The following BRWD1 variants were observed in gnomAD, a reference collection of about 807,000 sequenced individuals.
BRWD1 encodes the protein bromodomain and WD repeat domain containing 1, also known as bromodomain and WD repeat-containing protein 1.
In BRWD1, 82 loss-of-function variants were observed where a neutral mutation model predicts 251.2. The observed-to-expected ratio is 0.33, with a 90% confidence interval of 0.27 to 0.39. BRWD1 has a LOEUF of 0.39. Ranked by LOEUF, BRWD1 falls within the 10% of genes least tolerant of loss-of-function variation. The pLI is 1.00. For synonymous variants in BRWD1, 918 were observed against 902.8 expected, an observed-to-expected ratio of 1.02 and a Z score of -0.30; for missense variants, 2,233 against 2,711.6, an observed-to-expected ratio of 0.82 and a Z score of 3.92.
At chr21:39,229,576 A>G (rs2033526081) in intron 25 of BRWD1, 140 bp from the exon 26 acceptor site, 1 of 762,188 alleles carries the variant, frequency 1.3e-6, no homozygotes, top group African/African-American at 1.8e-5. Context: ...CATTAATTAC[A>G]TTCAATTTTG....
Position 39,264,488 on chromosome 21 carries a change from C to T in BRWD1, c.1857G>A (p.Leu619=). ...TTGCCACATAGCCCAGCTGTGGAAT[C>T]AAATGTTCATCTGCAGAATTTTCTC... ...PGRENSADEH[L]IPQLGYVATS... The change falls in exon 17 of 41, where the codon TTG becomes TTA. Residue 619 remains leucine (L), a synonymous_variant. Transcript: ENST00000342449. 1 of 1,600,164 alleles carries T rather than the reference C, an allele frequency of 6.2e-7. No homozygotes were observed. The highest frequency in any genetic ancestry group is 1.1e-5 in the South Asian group (1 of 89,438).
chr21:39,270,385 C>A lies in BRWD1; in HGVS notation c.1293G>T (p.Met431Ile). Residue 431 changes from methionine (M) to isoleucine (I), a missense_variant, in exon 14 of 41, where the codon ATG (methionine) becomes ATT (isoleucine). By Grantham distance (10) the Met-to-Ile change is conservative. This residue lies in a region of BRWD1 where 315 missense variants were observed against 421.8 expected (regional missense o/e 0.75). Coordinates refer to ENST00000342449, the MANE Select transcript of BRWD1 (RefSeq NM_033656.4). ...TGCTATCATTTTGATTCCAAGCTAT[C>A]ATTGTTACTTTAGGTTTCATAAACC... ...EERFMKPKVT[M>I]IAWNQNDSIV... The A allele has an allele frequency of 6.2e-7, 1 of 1,612,470 alleles. No homozygotes were observed. Among genetic ancestry groups the A allele is most frequent in the East Asian group, 2.2e-5 (1 of 44,802 alleles).
intron 19 of BRWD1, 98 bp downstream of exon 19, chr21:39,255,547 A>T: frequency 1.0e-6 from 1 of 996,352 alleles, no homozygotes; most frequent in Non-Finnish European, 1.5e-6. Context: ...ATATTTATAC[A>T]ATTATTTACA....
chr21:39,307,027 T>C lies in BRWD1; in HGVS notation c.198+5814A>G, dbSNP rs527873434. On this transcript the variant is annotated intron_variant, in intron 4 of 40. Coordinates refer to ENST00000342449, the MANE Select transcript of BRWD1 (RefSeq NM_033656.4). Reference sequence around the variant, plus strand: ...TGCCACCACGCCCGGCTAAGTTTTGTATTTTTAGTAGAGACGGGGTTTCAC... The same window carrying C: ...TGCCACCACGCCCGGCTAAGTTTTGCATTTTTAGTAGAGACGGGGTTTCAC... 5.3e-5 allele frequency among the ~76,000 whole-genome samples: 8 copies of C among 152,260 alleles called. No individual in the cohort carries two copies. In the East Asian group the frequency reaches 1.5e-3, roughly 29 times the overall value.
At chr21:39,270,497 T>C (rs983815965) in intron 13 of BRWD1, 64 bp from the exon 14 acceptor site, 1 of 1,326,184 alleles carries the variant, frequency 7.5e-7, no homozygotes, top group Admixed American at 2.5e-5. Context: ...GTATACAATC[T>C]CTCATCAATA....
chr21:39,299,285 T>TAAA (rs1208939403), intron 4 of BRWD1, among the ~76,000 whole-genome samples: 28 of 151,688 alleles, frequency 1.8e-4, no homozygotes, highest in African/African-American at 6.5e-4. Flanking sequence ...AACTGGCCTG[T>TAAA]AAGTGAAGCA....
intron 8 of BRWD1, among the ~76,000 whole-genome samples, chr21:39,285,842 A>AG (rs1255674806): frequency 2.8e-5 from 3 of 108,172 alleles, no homozygotes; most frequent in South Asian, 3.2e-4. Flanking sequence ...CAGGAGGGTG[A>AG]GGGGGGAGCA....
In BRWD1 at chr21:39,215,311, T is replaced by C. The variant is rs1222335605; in HGVS notation, c.3711A>G (p.Arg1237=). ...WEVRYIEHNA[R]TFNEPESVIA... ...TTACACTCTCAGGTTCGTTAAATGT[T>C]CTGGCATTATGTTCTATATATCTGA... Residue 1237 remains arginine (R), a synonymous_variant, in exon 32 of 41, where the codon AGA becomes AGG. Transcript: ENST00000342449. 2.5e-6 allele frequency: 4 copies of C among 1,613,344 alleles called. No individual in the cohort carries two copies. In the Admixed American group the frequency reaches 6.7e-5, roughly 27 times the overall value.
chr21:39,258,426 C>T (rs896842058), intron 18 of BRWD1, 61 bp downstream of exon 18: 4 of 1,350,740 alleles, frequency 3.0e-6, no homozygotes, highest in East Asian at 5.0e-5. Flanking sequence ...ACAAAGACTT[C>T]GTTTACTCTT....
chr21:39,279,632 C>T (rs1177514502), intron 9 of BRWD1, among the ~76,000 whole-genome samples: 3 of 115,728 alleles, frequency 2.6e-5, no homozygotes, highest in Admixed American at 1.0e-4. Flanking sequence ...GAGTGAGACT[C>T]CATCTCAAAA....
chr21:39,201,700 ACTTG>A (rs912189766), intron 38 of BRWD1, among the ~76,000 whole-genome samples: 6 of 152,150 alleles, frequency 3.9e-5, no homozygotes, highest in African/African-American at 7.2e-5. Flanking sequence ...ATACACATGA[ACTTG>A]CTTGTCTTTC....
chr21:39,301,309 A>T (rs1297073748), intron 4 of BRWD1, among the ~76,000 whole-genome samples: 1 of 152,200 alleles, frequency 6.6e-6, no homozygotes, highest in Non-Finnish European at 1.5e-5. Flanking sequence ...AGAAAACAGT[A>T]ACATTGAGAG....
At position 39,301,531 on chromosome 21, in the gene BRWD1, G is replaced by A. The variant is rs1362096193; in HGVS notation, c.199-2949C>T. Among the ~76,000 whole-genome samples the A allele has an allele frequency of 3.3e-5, 5 of 152,220 alleles. No individual in the cohort carries two copies. The East Asian group carries it at 9.7e-4, about 29-fold the overall frequency. Reference sequence around the variant, plus strand: ...AATCCTGCCAAAACTACATGAGCTTGGAAGCCTATTCCTCCCGTCAAGCCT... The same window carrying A: ...AATCCTGCCAAAACTACATGAGCTTAGAAGCCTATTCCTCCCGTCAAGCCT... On this transcript the variant is annotated intron_variant, in intron 4 of 40. Transcript: ENST00000342449.
In BRWD1 at chr21:39,192,970, A is replaced by G. The variant is rs2031630608; in HGVS notation, c.*3289T>C. 1.0e-6 allele frequency: 1 copy of G among 984,550 alleles called. No homozygotes were observed. The highest frequency in any genetic ancestry group is 1.2e-6 in the Non-Finnish European group (1 of 829,380). 61.0% of individuals were successfully genotyped at this position (984,550 alleles called of 1,614,324 possible). A position where few individuals can be genotyped will look rare whatever the true frequency, so the allele number is the denominator to read the frequency against. On this transcript the variant is annotated 3_prime_UTR_variant, in exon 41 of 41. Coordinates refer to ENST00000342449, the MANE Select transcript of BRWD1 (RefSeq NM_033656.4). ...AGAAGACAGAGGGAATGTAGTGTGC[A>G]CCCCTTATTCTAAGTGATAATTTTT...
chr21:39,276,968 TTTC>T (rs1367030223), intron 11 of BRWD1, among the ~76,000 whole-genome samples: 6 of 152,192 alleles, frequency 3.9e-5, no homozygotes, highest in Non-Finnish European at 5.9e-5. Context: ...ACCTAGACAT[TTTC>T]ATTTTTATAA....
intron 25 of BRWD1, among the ~76,000 whole-genome samples, chr21:39,229,987 C>A (rs2033546567): frequency 6.6e-6 from 1 of 152,216 alleles, no homozygotes; most frequent in African/African-American, 2.4e-5. Flanking sequence ...GATGCTCCCA[C>A]AACAGCTTCC....
Position 39,194,619 on chromosome 21 carries a change from G to A in BRWD1, c.*1640C>T, listed in dbSNP as rs2031716646. 31 of 1,518,498 alleles carry A rather than the reference G, an allele frequency of 2.0e-5. No individual in the cohort carries two copies. In the South Asian group the frequency reaches 2.6e-4, roughly 13 times the overall value. 94.1% of individuals were successfully genotyped at this position (1,518,498 alleles called of 1,614,324 possible). A position where few individuals can be genotyped will look rare whatever the true frequency, so the allele number is the denominator to read the frequency against. ...CCATGCATCAGAGTAGAAAGAAAAT[G>A]TACCTTCTACTATGTCAAATGGAAT... On this transcript the variant is annotated 3_prime_UTR_variant, in exon 41 of 41. Coordinates refer to ENST00000342449, the MANE Select transcript of BRWD1 (RefSeq NM_033656.4).
At chr21:39,306,492 T>C (rs1327585355) in intron 4 of BRWD1, among the ~76,000 whole-genome samples, 1 of 152,178 alleles carries the variant, frequency 6.6e-6, no homozygotes, top group Non-Finnish European at 1.5e-5. Context: ...GAACTGAGCC[T>C]AAGAATTCGG....
At chr21:39,293,480 A>G (rs1481790495) in intron 8 of BRWD1, among the ~76,000 whole-genome samples, 3 of 151,608 alleles carry the variant, frequency 2.0e-5, no homozygotes, top group Admixed American at 6.6e-5. Context: ...GCAACAGAAC[A>G]AGACTCAGTC....
Sources: gnomAD v4.1 joint callset for allele counts (sites outside exome capture counted in the v4.1 genomes callset) on GRCh38, gnomAD v4.1.1 for gene constraint, gnomAD v4.1.1 regional missense constraint, MANE v1.5 for transcripts, NCBI Gene and HGNC (gene_info 2026-07-23, HGNC 2026-07-21) for gene names.